MTMR3: variants seen among roughly 807,000 people sequenced by gnomAD.
The protein encoded by MTMR3 is myotubularin related protein 3.
A neutral mutation model predicts 132.4 loss-of-function variants in MTMR3; 32 were observed. The observed-to-expected ratio is 0.24, with a 90% CI of 0.18 to 0.32. MTMR3 has a LOEUF of 0.32. MTMR3 is among the 10% of genes least tolerant of loss of function. MTMR3 has a pLI of 1.00. For synonymous variants in MTMR3, 556 were observed against 550.3 expected, an observed-to-expected ratio of 1.01 and a Z score of -0.14; for missense variants, 1,216 against 1,489.6, an observed-to-expected ratio of 0.82 and a Z score of 3.02.
intron 1 of MTMR3, among the ~76,000 whole-genome samples, chr22:29,953,930 C>T (rs1008197244): frequency 1.3e-5 from 2 of 152,088 alleles, no homozygotes; most frequent in African/African-American, 4.8e-5. Context: ...TTCAAGGTTA[C>T]CCAAACATAA....
intron 1 of MTMR3, among the ~76,000 whole-genome samples, chr22:29,908,649 G>C (rs1386129435): frequency 6.6e-6 from 1 of 150,916 alleles, no homozygotes; most frequent in Non-Finnish European, 1.5e-5. Flanking sequence ...TCATTTTGTT[G>C]AAGGGTAGCT....
At position 30,029,340 on chromosome 22, in the gene MTMR3, A is replaced by G. The variant is rs1028699892; in HGVS notation, c.*3539A>G. The stretch of plus-strand genomic sequence containing the variant: ...AAACAAGTTACAGCTGCCTTAATCC[A>G]CTGAGATTCTCTATGAGGATGTACA... On this transcript the variant is annotated 3_prime_UTR_variant, in exon 20 of 20. Coordinates refer to ENST00000401950, the MANE Select transcript of MTMR3 (RefSeq NM_021090.4). 6.6e-6 allele frequency: 1 copy of G among 152,314 alleles called. No individual in the cohort carries two copies. The highest frequency in any genetic ancestry group is 2.1e-4 in the South Asian group (1 of 4,830). 9.4% of individuals were successfully genotyped at this position (152,314 alleles called of 1,614,324 possible). A position where few individuals can be genotyped will look rare whatever the true frequency, so the allele number is the denominator to read the frequency against.
intron 1 of MTMR3, among the ~76,000 whole-genome samples, chr22:29,914,710 GT>G (rs751561671): frequency 6.6e-6 from 1 of 151,966 alleles, no homozygotes; most frequent in Non-Finnish European, 1.5e-5. Context: ...TATTCTGGAA[GT>G]TTATAGCTTT....
chr22:29,970,673 A>C lies in MTMR3; in HGVS notation c.-84-303A>C, dbSNP rs563206140. Among the ~76,000 whole-genome samples, 8 of 152,008 alleles carry C rather than the reference A, an allele frequency of 5.3e-5. No individual in the cohort carries two copies. In the East Asian group the frequency reaches 1.2e-3, roughly 22 times the overall value. ...ATTTTAATTGTTGCTTTATTCATCC[A>C]AGTTTTATGATATTTTTTGTTTTAC... On this transcript the variant is annotated intron_variant, in intron 2 of 19. Coordinates refer to ENST00000401950, the MANE Select transcript of MTMR3 (RefSeq NM_021090.4).
intron 1 of MTMR3, among the ~76,000 whole-genome samples, chr22:29,900,983 G>A (rs1050047005): frequency 2.0e-5 from 3 of 152,136 alleles, no homozygotes; most frequent in South Asian, 2.1e-4. Context: ...CACTGCGTCC[G>A]GCCTAAGCCT....
chr22:29,951,108 G>A (rs1172809708), intron 1 of MTMR3, among the ~76,000 whole-genome samples: 1 of 151,908 alleles, frequency 6.6e-6, no homozygotes, highest in Non-Finnish European at 1.5e-5. Flanking sequence ...CCAAGATCGC[G>A]CCATTGCACT....
At chr22:29,975,012 G>A (rs1368441790) in intron 3 of MTMR3, among the ~76,000 whole-genome samples, 1 of 152,146 alleles carries the variant, frequency 6.6e-6, no homozygotes, top group Non-Finnish European at 1.5e-5. Context: ...TGTCGCCCGG[G>A]TTGGAGAGCA....
chr22:29,939,466 C>T (rs142035939), intron 1 of MTMR3, among the ~76,000 whole-genome samples: 224 of 152,188 alleles, frequency 1.5e-3, no homozygotes, highest in African/African-American at 5.2e-3. Flanking sequence ...TGAGATAATC[C>T]TATAAACCTT....
At chr22:30,023,679 T>C (rs558660466) in intron 19 of MTMR3, 8 of 628,458 alleles carry the variant, frequency 1.3e-5, no homozygotes, top group Admixed American at 2.4e-5. Context: ...GCTGCAGCCA[T>C]GTGCTCCCCT....
intron 2 of MTMR3, among the ~76,000 whole-genome samples, chr22:29,964,714 C>T (rs959463550): frequency 4.6e-5 from 7 of 152,156 alleles, no homozygotes; most frequent in African/African-American, 1.4e-4. Context: ...GTAATTGTCT[C>T]CTGGTTCTCT....
rs1210895397 is a variant in MTMR3 at position 30,025,818 on chromosome 22, T to C, written c.*17T>C. ...TCCAACTGAAGCTCAGTGACCTGGGTGGGCAGTGGCCAAGCTGCTGTTCCT... is the reference window on the plus strand; with the variant it reads ...TCCAACTGAAGCTCAGTGACCTGGGCGGGCAGTGGCCAAGCTGCTGTTCCT... On this transcript the variant is annotated 3_prime_UTR_variant, in exon 20 of 20. Coordinates refer to ENST00000401950, the MANE Select transcript of MTMR3 (RefSeq NM_021090.4). The C allele has an allele frequency of 8.1e-6, 13 of 1,613,274 alleles. No homozygotes were observed. Among genetic ancestry groups the C allele is most frequent in the Non-Finnish European group, 1.0e-5 (12 of 1,179,904 alleles).
intron 18 of MTMR3, 153 bp from the exon 19 acceptor site, chr22:30,022,456 C>T (rs748727856): frequency 2.1e-4 from 143 of 674,636 alleles, no homozygotes; most frequent in East Asian, 5.2e-4. Flanking sequence ...ACGATTTGGA[C>T]GCCTTTCTTG....
intron 2 of MTMR3, among the ~76,000 whole-genome samples, chr22:29,965,880 A>C (rs1424609854): frequency 6.6e-6 from 1 of 152,132 alleles, no homozygotes; most frequent in African/African-American, 2.4e-5. Context: ...CTCTGAAAAA[A>C]ATCTGAAAGA....
intron 1 of MTMR3, among the ~76,000 whole-genome samples, chr22:29,897,965 A>T (rs2064935314): frequency 6.6e-6 from 1 of 152,080 alleles, no homozygotes; most frequent in South Asian, 2.1e-4. Flanking sequence ...TGACATGTTG[A>T]TATATGTGTA....
intron 5 of MTMR3, chr22:29,988,263 C>A: frequency 3.0e-6 from 1 of 331,380 alleles, no homozygotes; most frequent in Non-Finnish European, 5.6e-6. Flanking sequence ...TGCCTTCATG[C>A]TATGACATGA....
rs1363006025 is a variant in MTMR3, at chr22:30,030,489, C to G, written c.*4688C>G. ...CGGTGACCATTTAAGTTGAATAAAT[C>G]TGTCATTTTCACCCACAAACAGTTG... On this transcript the variant is annotated 3_prime_UTR_variant, in exon 20 of 20. Coordinates refer to ENST00000401950, the MANE Select transcript of MTMR3 (RefSeq NM_021090.4). 6.6e-6 allele frequency: 1 copy of G among 152,198 alleles called. No individual in the cohort carries two copies. Among genetic ancestry groups the G allele is most frequent in the Non-Finnish European group, 1.5e-5 (1 of 68,020 alleles). 9.4% of individuals were successfully genotyped at this position (152,198 alleles called of 1,614,324 possible).
intron 1 of MTMR3, among the ~76,000 whole-genome samples, chr22:29,914,148 G>A (rs1394728608): frequency 6.6e-6 from 1 of 152,216 alleles, no homozygotes; most frequent in East Asian, 1.9e-4. Context: ...AAATCCAGGA[G>A]TAGAAATTGC....
intron 1 of MTMR3, among the ~76,000 whole-genome samples, chr22:29,948,017 C>T (rs983858367): frequency 5.3e-5 from 8 of 152,032 alleles, no homozygotes; most frequent in Non-Finnish European, 8.8e-5. Context: ...TTTTCATTGG[C>T]GTGTTTTCAA....
chr22:30,016,471 ACTTATCAGAGTGT>A (rs1277486189), intron 14 of MTMR3, 44 bp from the exon 15 acceptor site: 57 of 1,575,210 alleles, frequency 3.6e-5, no homozygotes, highest in Non-Finnish European at 4.7e-5. Context: ...AGCTGAGCTG[ACTTATCAGAGTGT>A]GCATGCCTGA....
Sources: allele counts gnomAD v4.1 joint callset (sites outside exome capture counted in the v4.1 genomes callset), GRCh38; gene constraint gnomAD v4.1.1; transcripts MANE v1.5; gene names NCBI Gene and HGNC (gene_info 2026-07-23, HGNC 2026-07-21).